FAM178B: variants seen among roughly 807,000 people sequenced by gnomAD.
FAM178B encodes the protein protein FAM178B.
A neutral mutation model predicts 91.7 loss-of-function variants in FAM178B; 82 were observed. The ratio of observed to expected loss-of-function variants is 0.89; its 90% confidence interval spans 0.75 to 1.07. The LOEUF is 1.07. FAM178B is among the 50% of genes least tolerant of loss of function. The probability of loss-of-function intolerance (pLI) is 0.00; values close to 1 mark genes in which losing one functional copy is unlikely to be tolerated. For missense variants in FAM178B, 769 were observed against 846.7 expected (o/e 0.91, Z 1.14); for synonymous variants, 368 against 359.4 (o/e 1.02, Z -0.27).
At chr2:96,979,000 C>G (rs1433029858) in intron 1 of FAM178B, among the ~76,000 whole-genome samples, 1 of 93,608 alleles carries the variant, frequency 1.1e-5, no homozygotes, top group Non-Finnish European at 2.1e-5. Context: ...TTTTTTGAAA[C>G]AGAGTCTTGC....
At chr2:96,982,811 C>CT (rs2082379510) in intron 1 of FAM178B, among the ~76,000 whole-genome samples, 2 of 136,444 alleles carry the variant, frequency 1.5e-5, no homozygotes, top group African/African-American at 5.5e-5. Flanking sequence ...AACTCCTGGG[C>CT]TCAAGCAATC....
intron 13 of FAM178B, 113 bp from the exon 14 acceptor site, chr2:96,894,164 C>T: frequency 7.9e-7 from 1 of 1,261,532 alleles, no homozygotes; most frequent in African/African-American, 1.5e-5. Context: ...AGGGCACTGG[C>T]TTCTGAGACA....
At chr2:96,889,703 A>C (rs1217595085) in intron 14 of FAM178B, among the ~76,000 whole-genome samples, 2 of 136,580 alleles carry the variant, frequency 1.5e-5, no homozygotes, top group South Asian at 8.0e-4. Flanking sequence ...TAAATAAATA[A>C]ATAAATAAAT....
At chr2:96,949,640 G>A (rs1373578593) in intron 7 of FAM178B, among the ~76,000 whole-genome samples, 3 of 152,140 alleles carry the variant, frequency 2.0e-5, no homozygotes, top group Admixed American at 1.3e-4. Flanking sequence ...GTAACTGCTC[G>A]AGGTTCTAAG....
intron 13 of FAM178B, chr2:96,895,182 A>T: frequency 9.0e-7 from 1 of 1,109,198 alleles, no homozygotes; most frequent in Non-Finnish European, 1.2e-6. Flanking sequence ...GTATCGTTTT[A>T]CCCATAAAGA....
intron 3 of FAM178B, among the ~76,000 whole-genome samples, chr2:96,971,460 G>A (rs116761175): frequency 6.4e-4 from 98 of 152,188 alleles, no homozygotes; most frequent in African/African-American, 2.2e-3. Context: ...CTAGCAGCAG[G>A]AGCTTACTCC....
At chr2:96,911,106 C>T (rs1454526753) in intron 12 of FAM178B, among the ~76,000 whole-genome samples, 3 of 152,042 alleles carry the variant, frequency 2.0e-5, no homozygotes, top group Non-Finnish European at 4.4e-5. Context: ...CTTTATGCTT[C>T]TTTGAAATCT....
chr2:96,979,510 A>G (rs1232653433), intron 1 of FAM178B, among the ~76,000 whole-genome samples: 1 of 151,844 alleles, frequency 6.6e-6, no homozygotes, highest in Non-Finnish European at 1.5e-5. Flanking sequence ...CCTATATCAC[A>G]TTTTCTTTAT....
chr2:96,896,839 GA>G (rs1343869275), intron 13 of FAM178B, among the ~76,000 whole-genome samples: 2 of 152,072 alleles, frequency 1.3e-5, no homozygotes, highest in Non-Finnish European at 2.9e-5. Flanking sequence ...CCTTCTCAGT[GA>G]GGCCCACCTG....
intron 12 of FAM178B, among the ~76,000 whole-genome samples, chr2:96,909,142 C>CAAAAA (rs368745154): frequency 2.6e-5 from 2 of 77,404 alleles, no homozygotes; most frequent in Non-Finnish European, 2.7e-5. Flanking sequence ...GACTCTGTCT[C>CAAAAA]AAAAAAAAAA....
In FAM178B at chr2:96,972,012, G is replaced by A. The variant is rs141334238; in HGVS notation, c.453C>T (p.Pro151=). 533 of 1,554,672 alleles carry A rather than the reference G, an allele frequency of 3.4e-4. 2 individuals carry two copies. In the African/African-American group the frequency reaches 5.8e-3, roughly 17 times the overall value. ...CCAGGTGTTCCTGCTCCAACTCCTC[G>A]GGCAGCTCACCAGCCAGTCTCCTCA... The part of the protein sequence containing the change: ...QGLRRLAGEL[P]EELEQEHLDL... Residue 151 remains proline, a synonymous_variant, in exon 3 of 17, where the codon CCC becomes CCT. Coordinates refer to ENST00000490605, the MANE Select transcript of FAM178B (RefSeq NM_001122646.3).
At chr2:96,953,900 G>A (rs1195925682) in intron 6 of FAM178B, among the ~76,000 whole-genome samples, 1 of 152,198 alleles carries the variant, frequency 6.6e-6, no homozygotes, top group Non-Finnish European at 1.5e-5. Context: ...GAAAGGAGGA[G>A]GATCCCAACA....
At chr2:96,895,795 G>C (rs2080811054) in intron 13 of FAM178B, among the ~76,000 whole-genome samples, 1 of 152,242 alleles carries the variant, frequency 6.6e-6, no homozygotes, top group African/African-American at 2.4e-5. Flanking sequence ...AGCTTAGCCT[G>C]GCTGGCACAC....
Position 96,926,834 on chromosome 2 carries a change from A to G in FAM178B, c.1193+2372T>C, listed in dbSNP as rs150092429. The stretch of plus-strand genomic sequence containing the variant: ...CTTGTCTTTCTCAGAGCAACTAAAG[A>G]GACAGCCCAGTTACGGTGGGGACAT... On this transcript the variant is annotated intron_variant, in intron 9 of 16. Transcript: ENST00000490605. Among the ~76,000 whole-genome samples the G allele has an allele frequency of 2.7e-3, 414 of 152,324 alleles. 1 individual carries two copies. Among genetic ancestry groups the G allele is most frequent in the Middle Eastern group, 6.8e-3 (2 of 294 alleles).
intron 1 of FAM178B, among the ~76,000 whole-genome samples, chr2:96,981,740 C>CAAAAAAAAAAAA (rs377081384): frequency 5.3e-5 from 1 of 18,718 alleles, no homozygotes; most frequent in Admixed American, 4.7e-4. Flanking sequence ...GACTCCGTCT[C>CAAAAAAAAAAAA]AAAAAAAAAA....
chr2:96,883,460 G>A (rs1292762609), intron 14 of FAM178B, among the ~76,000 whole-genome samples: 1 of 152,164 alleles, frequency 6.6e-6, no homozygotes, highest in Non-Finnish European at 1.5e-5. Flanking sequence ...CCCCCATCAG[G>A]TCATGACCAA....
At chr2:96,943,373 T>G (rs996996538) in intron 8 of FAM178B, among the ~76,000 whole-genome samples, 1 of 152,204 alleles carries the variant, frequency 6.6e-6, no homozygotes, top group African/African-American at 2.4e-5. Context: ...GGCATGAAAT[T>G]TTCGTATCCA....
At chr2:96,887,839 G>A (rs978838390) in intron 14 of FAM178B, among the ~76,000 whole-genome samples, 1 of 151,920 alleles carries the variant, frequency 6.6e-6, no homozygotes, top group East Asian at 1.9e-4. Context: ...GAGAGGCCCC[G>A]AAGGGTCTCC....
chr2:96,949,009 C>G (rs1322891705), intron 7 of FAM178B, among the ~76,000 whole-genome samples: 3 of 152,320 alleles, frequency 2.0e-5, no homozygotes, highest in Non-Finnish European at 4.4e-5. Flanking sequence ...CCTTTCTCCT[C>G]CTGTTGTAAC....
Sources: allele counts gnomAD v4.1 joint callset (sites outside exome capture counted in the v4.1 genomes callset), GRCh38; gene constraint gnomAD v4.1.1; transcripts MANE v1.5; gene names NCBI Gene and HGNC (gene_info 2026-07-23, HGNC 2026-07-21).